CLSTN2: variants seen among roughly 807,000 people sequenced by gnomAD.
The protein encoded by CLSTN2 is calsyntenin-2.
A neutral mutation model predicts 101.2 loss-of-function variants in CLSTN2; 48 were observed. The observed-to-expected ratio is 0.47, with a 90% CI of 0.38 to 0.60. CLSTN2 has a LOEUF of 0.60. Among genes scored for constraint, CLSTN2 ranks in the 20% least tolerant of loss-of-function variants. The pLI is 0.00. For missense variants in CLSTN2, 1,160 were observed against 1,238.2 expected, an observed-to-expected ratio of 0.94 and a Z score of 0.95; for synonymous variants, 481 against 463.6, an observed-to-expected ratio of 1.04 and a Z score of -0.48.
intron 1 of CLSTN2, among the ~76,000 whole-genome samples, chr3:140,002,134 G>A (rs1325190646): frequency 6.6e-6 from 1 of 152,142 alleles, no homozygotes; most frequent in African/African-American, 2.4e-5. Context: ...GTTTTCTGAG[G>A]AACCATCAAA....
At chr3:140,120,786 G>A (rs1013892671) in intron 1 of CLSTN2, among the ~76,000 whole-genome samples, 7 of 152,208 alleles carry the variant, frequency 4.6e-5, no homozygotes, top group Non-Finnish European at 1.0e-4. Flanking sequence ...TCACTGGGCT[G>A]TGAAGTGTTC....
intron 10 of CLSTN2, among the ~76,000 whole-genome samples, chr3:140,552,403 A>T (rs868203726): frequency 0.026 from 2,999 of 113,852 alleles, 105 homozygotes; most frequent in African/African-American, 0.12. Context: ...CCGCAGTTTA[A>T]AAAAAAAAAA....
At chr3:140,394,641 A>G (rs941613581) in intron 2 of CLSTN2, among the ~76,000 whole-genome samples, 2 of 152,080 alleles carry the variant, frequency 1.3e-5, no homozygotes, top group African/African-American at 4.8e-5. Flanking sequence ...CTTTTTGTCC[A>G]TCTGCCTCCT....
intron 1 of CLSTN2, among the ~76,000 whole-genome samples, chr3:140,083,025 C>G (rs1662562516): frequency 6.6e-6 from 1 of 152,188 alleles, no homozygotes; most frequent in African/African-American, 2.4e-5. Flanking sequence ...TCTACCTTAT[C>G]CCTTCAATAA....
intron 5 of CLSTN2, among the ~76,000 whole-genome samples, chr3:140,434,160 A>C (rs2088664903): frequency 6.6e-6 from 1 of 152,124 alleles, no homozygotes; most frequent in Non-Finnish European, 1.5e-5. Context: ...CTCATCTCTA[A>C]AGTGGGCAGA....
intron 2 of CLSTN2, among the ~76,000 whole-genome samples, chr3:140,176,285 C>A (rs558687385): frequency 6.6e-6 from 1 of 152,256 alleles, no homozygotes; most frequent in African/African-American, 2.4e-5. Flanking sequence ...CTTCATGTTG[C>A]CTCCAGTGCA....
chr3:140,175,899 G>T, intron 1 of CLSTN2, 52 bp from the exon 2 acceptor site: 1 of 1,538,558 alleles, frequency 6.5e-7, no homozygotes, highest in Non-Finnish European at 8.9e-7. Flanking sequence ...CATTATTATG[G>T]GTTTGTTATT....
At chr3:140,262,842 A>G (rs1267565363) in intron 2 of CLSTN2, among the ~76,000 whole-genome samples, 4 of 152,168 alleles carry the variant, frequency 2.6e-5, no homozygotes, top group Non-Finnish European at 4.4e-5. Context: ...GAATGGGGAC[A>G]GTAAGAAGTA....
At chr3:140,396,862 G>A (rs1178102454) in intron 2 of CLSTN2, among the ~76,000 whole-genome samples, 2 of 152,202 alleles carry the variant, frequency 1.3e-5, no homozygotes, top group South Asian at 2.1e-4. Flanking sequence ...ATGGAATTAT[G>A]AGCTGGGGGG....
chr3:140,385,879 G>A (rs373267353), intron 2 of CLSTN2, among the ~76,000 whole-genome samples: 39 of 152,290 alleles, frequency 2.6e-4, no homozygotes, highest in African/African-American at 9.1e-4. Context: ...TTGAAATGAG[G>A]CTGGCTAAAG....
At chr3:140,476,575 T>G (rs1163213973) in intron 8 of CLSTN2, among the ~76,000 whole-genome samples, 7 of 151,896 alleles carry the variant, frequency 4.6e-5, no homozygotes, top group African/African-American at 1.7e-4. Context: ...CTCATATCCC[T>G]AAATGTTTAG....
At position 140,007,835 on chromosome 3, in the gene CLSTN2, C is replaced by T. The variant is rs575295327; in HGVS notation, c.109+72352C>T. On this transcript the variant is annotated intron_variant, in intron 1 of 16. Coordinates refer to ENST00000458420, the MANE Select transcript of CLSTN2 (RefSeq NM_022131.3). ...CTGGCATTCAGCAGAGAACCACTGA[C>T]CTTGTCCGGTGGTGGAGGAGAGATG... Among the ~76,000 whole-genome samples, 11 of 152,304 alleles carry T rather than the reference C, an allele frequency of 7.2e-5. No homozygotes were observed. The South Asian group carries it at 1.9e-3, about 26-fold the overall frequency.
At chr3:140,270,885 C>G (rs1231771845) in intron 2 of CLSTN2, among the ~76,000 whole-genome samples, 1 of 152,110 alleles carries the variant, frequency 6.6e-6, no homozygotes, top group East Asian at 1.9e-4. Flanking sequence ...CTTGCAGCTC[C>G]CTCCCTATCA....
chr3:140,034,020 G>A (rs150569196), intron 1 of CLSTN2, among the ~76,000 whole-genome samples: 182 of 152,276 alleles, frequency 1.2e-3, no homozygotes, highest in African/African-American at 4.3e-3. Flanking sequence ...AATTAATGTT[G>A]AGTAAATTTG....
At chr3:139,950,609 G>A (rs376395033) in intron 1 of CLSTN2, among the ~76,000 whole-genome samples, 72 of 152,146 alleles carry the variant, frequency 4.7e-4, no homozygotes, top group African/African-American at 1.1e-3. Flanking sequence ...ACTTTCAACC[G>A]TATCAGAACC....
chr3:140,442,140 C>G (rs1461835835), intron 5 of CLSTN2, among the ~76,000 whole-genome samples: 1 of 152,190 alleles, frequency 6.6e-6, no homozygotes, highest in Non-Finnish European at 1.5e-5. Flanking sequence ...CTTACTGACC[C>G]TGGAGGGACT....
At chr3:139,942,523 T>A (rs902155984) in intron 1 of CLSTN2, among the ~76,000 whole-genome samples, 2 of 152,118 alleles carry the variant, frequency 1.3e-5, no homozygotes, top group African/African-American at 4.8e-5. Flanking sequence ...GGTGGCTAGA[T>A]AACAAAGTGG....
At chr3:140,419,824 C>T (rs1345791135) in intron 4 of CLSTN2, among the ~76,000 whole-genome samples, 2 of 33,234 alleles carry the variant, frequency 6.0e-5, no homozygotes, top group Non-Finnish European at 1.0e-4. Flanking sequence ...CGTATATATA[C>T]GTATATGTGT....
chr3:140,503,279 A>C (rs1934616944), intron 8 of CLSTN2, among the ~76,000 whole-genome samples: 1 of 152,240 alleles, frequency 6.6e-6, no homozygotes, highest in Admixed American at 6.5e-5. Context: ...ATTTCAGTCA[A>C]TGATAGACTG....
Sources: gnomAD v4.1 joint callset for allele counts (sites outside exome capture counted in the v4.1 genomes callset) on GRCh38, gnomAD v4.1.1 for gene constraint, MANE v1.5 for transcripts, NCBI Gene and HGNC (gene_info 2026-07-23, HGNC 2026-07-21) for gene names.